Variants in RNASET2 observed in about 807,000 individuals in gnomAD.
RNASET2 encodes ribonuclease 6.
RNASET2 carries 28 observed loss-of-function variants against 33.9 expected under a neutral mutation model. The observed-to-expected ratio is 0.83, with a 90% CI of 0.61 to 1.13. The LOEUF is 1.13. RNASET2 is among the 50% of genes most tolerant of loss of function. The pLI, the probability that RNASET2 is intolerant of heterozygous loss-of-function variation, is 0.00. For synonymous variants in RNASET2, 123 were observed against 121.0 expected (o/e 1.02, Z -0.11); for missense variants, 330 against 319.9 (o/e 1.03, Z -0.24).
intron 6 of RNASET2, chr6:166,934,631 G>T: frequency 5.2e-6 from 1 of 193,822 alleles, no homozygotes; most frequent in Non-Finnish European, 1.1e-5. Flanking sequence ...GTTGAGATAT[G>T]TTTAGATACA....
intron 2 of RNASET2, among the ~76,000 whole-genome samples, chr6:166,950,970 A>C (rs1778970727): frequency 1.3e-5 from 2 of 152,202 alleles, no homozygotes; most frequent in South Asian, 4.1e-4. Flanking sequence ...AGACAGAAGA[A>C]AAGACAGCTG....
chr6:166,948,654 T>C (rs1033968866), intron 2 of RNASET2, 29 bp from the exon 3 acceptor site: 7 of 1,334,650 alleles, frequency 5.2e-6, no homozygotes, highest in Admixed American at 1.7e-5. Flanking sequence ...AAGAAAATGA[T>C]TGGCTCTTTG....
intron 2 of RNASET2, among the ~76,000 whole-genome samples, chr6:166,950,965 G>C (rs1172319925): frequency 6.6e-6 from 1 of 152,224 alleles, no homozygotes; most frequent in Non-Finnish European, 1.5e-5. Flanking sequence ...CAAAGAGACA[G>C]AAGAAAAGAC....
At position 166,928,444 on chromosome 6, in the gene RNASET2, G is replaced by GTTTTTTT. The variant is rs67709006; in HGVS notation, c.*1137_*1143dup. Among the ~76,000 whole-genome samples the GTTTTTTT allele has an allele frequency of 2.8e-5, 4 of 144,736 alleles. No homozygotes were observed. The highest frequency in any genetic ancestry group is 7.7e-5 in the African/African-American group (3 of 38,860). 95.0% of individuals were successfully genotyped at this position (144,736 alleles called of 152,430 possible). A position where few individuals can be genotyped will look rare whatever the true frequency, so the allele number is the denominator to read the frequency against. ...AATATTCACAGGCATTGATACAGCT[G>GTTTTTTT]TTTTTTTTTTTTTTGTAAATTATGC... On this transcript the variant is annotated 3_prime_UTR_variant, in exon 9 of 9. Transcript: ENST00000508775.
intron 3 of RNASET2, among the ~76,000 whole-genome samples, chr6:166,948,013 G>A (rs185073436): frequency 6.6e-6 from 1 of 152,224 alleles, no homozygotes; most frequent in East Asian, 1.9e-4. Context: ...AAAATGTAGT[G>A]ACCCTGACAT....
Position 166,925,190 on chromosome 6 carries a change from C to T in RNASET2, c.*4398G>A, listed in dbSNP as rs983480741. ...CCTGCCGCCCAGCCCTCACTCCTGCCGCCCAGCCCTCACCTCTGCTGTCCA... is the reference window on the plus strand; with the variant it reads ...CCTGCCGCCCAGCCCTCACTCCTGCTGCCCAGCCCTCACCTCTGCTGTCCA... On this transcript the variant is annotated 3_prime_UTR_variant, in exon 9 of 9. Coordinates refer to ENST00000508775, the MANE Select transcript of RNASET2 (RefSeq NM_003730.6). 1.5e-5 allele frequency among the ~76,000 whole-genome samples: 2 copies of T among 129,120 alleles called. No individual in the cohort carries two copies. Among genetic ancestry groups the T allele is most frequent in the African/African-American group, 3.8e-5 (1 of 26,476 alleles). The allele number at this position is 129,120 out of a possible 152,430, so 84.7% of individuals were successfully genotyped here.
chr6:166,943,755 T>C (rs929506681), intron 4 of RNASET2: 5 of 470,380 alleles, frequency 1.1e-5, no homozygotes, highest in Middle Eastern at 3.2e-4. Flanking sequence ...ATGTTAATGA[T>C]TGGGAGAGTT....
rs190110862 is a variant in RNASET2 at position 166,946,846 on chromosome 6, A to G, written c.204-107T>C. The G allele has an allele frequency of 1.2e-3, 901 of 741,458 alleles. 6 individuals carry two copies. Among genetic ancestry groups the G allele is most frequent in the African/African-American group, 0.01 (591 of 57,750 alleles). 45.9% of individuals were successfully genotyped at this position (741,458 alleles called of 1,614,324 possible). On this transcript the variant is annotated intron_variant, in intron 3 of 8. Coordinates refer to ENST00000508775, the MANE Select transcript of RNASET2 (RefSeq NM_003730.6). The stretch of plus-strand genomic sequence containing the variant: ...TCATTGAAGTCTGCAAAGAATAAAA[A>G]GAGAAATTCTAATTGGGAATTCCTT...
At chr6:166,952,710 G>A (rs1779016173) in intron 1 of RNASET2, 162 bp from the exon 2 acceptor site, 2 of 661,250 alleles carry the variant, frequency 3.0e-6, no homozygotes, top group African/African-American at 3.6e-5. Flanking sequence ...GAGGAAGGCG[G>A]TACACCCCTA....
chr6:166,946,541 T>C, intron 4 of RNASET2, 141 bp downstream of exon 4: 1 of 683,714 alleles, frequency 1.5e-6, no homozygotes, highest in African/African-American at 1.8e-5. Context: ...CAATACTTAC[T>C]AAAACAGCAG....
In RNASET2 at chr6:166,938,808, C is replaced by T. The variant is rs150952311; in HGVS notation, c.446+87G>A. The T allele has an allele frequency of 4.0e-4, 364 of 911,192 alleles. 3 individuals are homozygous for T. In the African/African-American group the frequency reaches 5.6e-3, roughly 14 times the overall value. 56.4% of individuals were successfully genotyped at this position (911,192 alleles called of 1,614,324 possible). On this transcript the variant is annotated intron_variant, in intron 6 of 8. Transcript: ENST00000508775. Reference sequence around the variant, plus strand: ...AGCTGCTGGAGGGCAGTGAGGTCTACACCCACTCCCCTGGATCCAGCTGTC... The same window carrying T: ...AGCTGCTGGAGGGCAGTGAGGTCTATACCCACTCCCCTGGATCCAGCTGTC...
intron 1 of RNASET2, among the ~76,000 whole-genome samples, chr6:166,955,180 C>CACACACACACGT (rs1779079472): frequency 1.4e-5 from 1 of 69,740 alleles, no homozygotes; most frequent in Non-Finnish European, 2.5e-5. Flanking sequence ...GGCTGCCACA[C>CACACACACACGT]ACACACACGC....
In RNASET2 at chr6:166,943,106, A is replaced by G. The variant is rs1318620045; in HGVS notation, c.262-17T>C. 1.9e-6 allele frequency: 3 copies of G among 1,594,434 alleles called. No homozygotes were observed. The East Asian group carries it at 6.7e-5, about 36-fold the overall frequency. On this transcript the variant is annotated splice_polypyrimidine_tract_variant and intron_variant, in intron 4 of 8. Coordinates refer to ENST00000508775, the MANE Select transcript of RNASET2 (RefSeq NM_003730.6). ...CAAAAGATCCTATGCATTAAAAAAT[A>G]AAATAAGTCTACGCAGGTTCTTAAT... is the stretch of plus-strand genomic sequence containing the variant.
intron 4 of RNASET2, chr6:166,943,965 C>A (rs1332595360): frequency 1.2e-5 from 3 of 246,846 alleles, no homozygotes; most frequent in Non-Finnish European, 2.5e-5. Flanking sequence ...ACTAAAAATA[C>A]AAAAATTAGC....
In RNASET2 at chr6:166,940,503, A is replaced by C. The variant is rs1373795424; in HGVS notation, c.333-1495T>G. ...AGGTAGAAAAAGGAGATTATTTTAA[A>C]CTAATTGAAATGTAACCTGAATTCC... On this transcript the variant is annotated intron_variant, in intron 5 of 8. Coordinates refer to ENST00000508775, the MANE Select transcript of RNASET2 (RefSeq NM_003730.6). Among the ~76,000 whole-genome samples the C allele has an allele frequency of 2.6e-5, 4 of 152,190 alleles. No individual in the cohort carries two copies. In the South Asian group the frequency reaches 6.2e-4, roughly 24 times the overall value.
intron 6 of RNASET2, chr6:166,934,569 G>A (rs1028777331): frequency 8.7e-6 from 2 of 229,374 alleles, no homozygotes; most frequent in Non-Finnish European, 1.7e-5. Context: ...GTGAAGGCCT[G>A]CATGTACGAG....
At chr6:166,948,279 G>A in intron 3 of RNASET2, 2 of 441,310 alleles carry the variant, frequency 4.5e-6, no homozygotes, top group South Asian at 2.0e-5. Context: ...CTGGGAGGTG[G>A]AGGTTGCAGT....
intron 4 of RNASET2, among the ~76,000 whole-genome samples, chr6:166,945,985 C>A (rs1174909390): frequency 3.3e-5 from 5 of 152,180 alleles, no homozygotes; most frequent in African/African-American, 4.8e-5. Context: ...CAGTTACCAC[C>A]CCCTCCCTGG....
chr6:166,952,774 T>C (rs547204832), intron 1 of RNASET2: 2 of 521,840 alleles, frequency 3.8e-6, no homozygotes, highest in Non-Finnish European at 7.1e-6. Flanking sequence ...AGAACATGAA[T>C]AGGATAAGGG....
Sources: allele counts gnomAD v4.1 joint callset (sites outside exome capture counted in the v4.1 genomes callset), GRCh38; gene constraint gnomAD v4.1.1; transcripts MANE v1.5; gene names NCBI Gene and HGNC (gene_info 2026-07-23, HGNC 2026-07-21).